TRAPPC9: variants seen among roughly 807,000 people sequenced by gnomAD.
TRAPPC9 encodes trafficking protein particle complex subunit 9.
TRAPPC9 carries 83 observed loss-of-function variants against 124.0 expected under a neutral mutation model. That is an observed-to-expected ratio of 0.67 (90% CI 0.56 to 0.80). The LOEUF is 0.80. Ranked by LOEUF, TRAPPC9 falls within the 30% of genes least tolerant of loss-of-function variation. TRAPPC9 has a pLI of 0.00. For missense variants in TRAPPC9, 1,302 were observed against 1,508.3 expected, an observed-to-expected ratio of 0.86 and a Z score of 2.27; for synonymous variants, 638 against 617.5, an observed-to-expected ratio of 1.03 and a Z score of -0.49.
At chr8:140,236,247 T>C (rs976521918) in intron 16 of TRAPPC9, among the ~76,000 whole-genome samples, 3 of 152,120 alleles carry the variant, frequency 2.0e-5, no homozygotes, top group Non-Finnish European at 4.4e-5. Flanking sequence ...CATGCCCAGC[T>C]AATTTTTATA....
At chr8:140,328,976 C>T (rs1458789013) in intron 9 of TRAPPC9, among the ~76,000 whole-genome samples, 4 of 152,058 alleles carry the variant, frequency 2.6e-5, no homozygotes, top group Admixed American at 6.6e-5. Flanking sequence ...GCAAGCTCGT[C>T]GGAAGACAGC....
At chr8:140,039,879 T>C (rs1841152420) in intron 17 of TRAPPC9, 1 of 152,228 alleles carries the variant, frequency 6.6e-6, no homozygotes, top group Non-Finnish European at 1.5e-5. Context: ...CATTGATCTC[T>C]TCACTGAACA....
Position 140,037,586 on chromosome 8 carries a change from TAC to T in TRAPPC9, c.2557-13509_2557-13508del, listed in dbSNP as rs369070239. On this transcript the variant is annotated intron_variant, in intron 17 of 22. Transcript: ENST00000438773. ...GTCAAACACATACCACACACACACA[TAC>T]ACACACACACACAAATGCCACACAC... Among the ~76,000 whole-genome samples the T allele has an allele frequency of 2.3e-4, 33 of 141,512 alleles. No homozygotes were observed. The East Asian group carries it at 3.1e-3, about 13-fold the overall frequency. 92.8% of individuals were successfully genotyped at this position (141,512 alleles called of 152,430 possible). A position where few individuals can be genotyped will look rare whatever the true frequency, so the allele number is the denominator to read the frequency against.
chr8:139,855,901 C>G (rs543426766), intron 21 of TRAPPC9, among the ~76,000 whole-genome samples: 1 of 152,238 alleles, frequency 6.6e-6, no homozygotes, highest in East Asian at 1.9e-4. Context: ...GGGTCCCCCA[C>G]AGAACTAGGG....
At chr8:139,775,533 G>A (rs1327719100) in intron 21 of TRAPPC9, among the ~76,000 whole-genome samples, 1 of 152,218 alleles carries the variant, frequency 6.6e-6, no homozygotes, top group African/African-American at 2.4e-5. Flanking sequence ...TCAAGGGGCC[G>A]AGGCCACATC....
chr8:140,115,699 G>A (rs1438288749), intron 17 of TRAPPC9, among the ~76,000 whole-genome samples: 1 of 152,194 alleles, frequency 6.6e-6, no homozygotes, highest in Non-Finnish European at 1.5e-5. Context: ...ACAGAGCAGG[G>A]GCTGGATAAT....
rs138930792 is a variant in TRAPPC9, at chr8:140,315,183, G to T, written c.1496-3809C>A. ...CGGTTTTCATTTGCATTTCCCTGAT[G>T]ATTAGTGATGTTAAGCATTTTTTCA... is the stretch of plus-strand genomic sequence containing the variant. On this transcript the variant is annotated intron_variant, in intron 9 of 22. Transcript: ENST00000438773. 4.4e-3 allele frequency among the ~76,000 whole-genome samples: 645 copies of T among 145,826 alleles called. 9 individuals are homozygous for T. Among genetic ancestry groups the T allele is most frequent in the African/African-American group, 0.016 (629 of 39,864 alleles).
In TRAPPC9 at chr8:140,083,117, T is replaced by C. The variant is rs776404428; in HGVS notation, c.2557-59038A>G. Among the ~76,000 whole-genome samples the C allele has an allele frequency of 2.0e-5, 3 of 152,044 alleles. No homozygotes were observed. In the East Asian group the frequency reaches 5.8e-4, roughly 29 times the overall value. On this transcript the variant is annotated intron_variant, in intron 17 of 22. Transcript: ENST00000438773. ...CTGAAGCAGGAGAATCGCTTGAACCTGGAAGGCGGAGGTTGCAGTGAGCTG... is the reference window on the plus strand; with the variant it reads ...CTGAAGCAGGAGAATCGCTTGAACCCGGAAGGCGGAGGTTGCAGTGAGCTG...
intron 17 of TRAPPC9, among the ~76,000 whole-genome samples, chr8:140,131,218 T>C (rs2061203118): frequency 6.6e-6 from 1 of 152,170 alleles, no homozygotes; most frequent in Admixed American, 6.5e-5. Context: ...GTTTTGTTCT[T>C]TAGGGTATAT....
At chr8:139,895,463 A>G (rs1482339722) in intron 20 of TRAPPC9, among the ~76,000 whole-genome samples, 1 of 152,228 alleles carries the variant, frequency 6.6e-6, no homozygotes, top group Non-Finnish European at 1.5e-5. Context: ...TAAGAAACAA[A>G]TAAAAGTGGG....
chr8:139,937,464 C>T (rs1486871966), intron 19 of TRAPPC9, among the ~76,000 whole-genome samples: 5 of 152,132 alleles, frequency 3.3e-5, no homozygotes, highest in Admixed American at 2.6e-4. Flanking sequence ...AAATCCCCTT[C>T]CTAGGAGCCC....
intron 17 of TRAPPC9, chr8:140,099,674 T>G (rs995787829): frequency 2.0e-5 from 3 of 150,184 alleles, no homozygotes; most frequent in Non-Finnish European, 1.5e-5. Flanking sequence ...CCCAGCTAGG[T>G]CTCTGCACAG....
rs555511919 is a variant in TRAPPC9, at chr8:140,181,591, G to A, written c.2556+39868C>T. Among the ~76,000 whole-genome samples, 16 of 152,114 alleles carry A rather than the reference G, an allele frequency of 1.1e-4. 1 individual carries two copies. The South Asian group carries it at 1.9e-3, about 18-fold the overall frequency. ...CAGGTGTGAGCCACTGCACCCAGCC[G>A]TCACTATATATTTTTTATTTTAGAA... On this transcript the variant is annotated intron_variant, in intron 17 of 22. Coordinates refer to ENST00000438773, the MANE Select transcript of TRAPPC9 (RefSeq NM_001160372.4).
At chr8:140,287,838 G>T in intron 12 of TRAPPC9, 104 bp from the exon 13 acceptor site, 1 of 1,503,806 alleles carries the variant, frequency 6.6e-7, no homozygotes, top group Middle Eastern at 1.8e-4. Context: ...GGAACTGCTG[G>T]AATAAAATCA....
intron 21 of TRAPPC9, among the ~76,000 whole-genome samples, chr8:139,807,287 G>C (rs1824133930): frequency 6.6e-6 from 1 of 152,154 alleles, no homozygotes; most frequent in African/African-American, 2.4e-5. Context: ...CCAGTTACAG[G>C]GATCAGAGAC....
chr8:140,217,743 C>T (rs899439005), intron 17 of TRAPPC9, among the ~76,000 whole-genome samples: 5 of 152,244 alleles, frequency 3.3e-5, no homozygotes, highest in Middle Eastern at 3.4e-3. Flanking sequence ...GAGCCAGGCA[C>T]GGTGGCTCAT....
intron 19 of TRAPPC9, among the ~76,000 whole-genome samples, chr8:139,958,846 G>A (rs1429700104): frequency 2.0e-5 from 3 of 152,186 alleles, no homozygotes; most frequent in Admixed American, 6.5e-5. Flanking sequence ...CACTGCCCTC[G>A]GGAACACATG....
At chr8:140,405,022 G>A (rs1409830637) in intron 6 of TRAPPC9, among the ~76,000 whole-genome samples, 1 of 152,022 alleles carries the variant, frequency 6.6e-6, no homozygotes, top group Non-Finnish European at 1.5e-5. Flanking sequence ...AAGAGTAGAG[G>A]AGGTAGAGGA....
In TRAPPC9 at chr8:140,087,735, C is replaced by T. The variant is rs1481281903; in HGVS notation, c.2557-63656G>A. On this transcript the variant is annotated intron_variant, in intron 17 of 22. Transcript: ENST00000438773. The surrounding 1 kb of genome is among the most constrained non-coding windows in gnomAD (Gnocchi z 4.6). ...CCACCTCGTCTCCCCTGCCTCTACT[C>T]GTCCACGTTTCCCTCTCCACCCTGC... is the stretch of plus-strand genomic sequence containing the variant. 1.3e-5 allele frequency among the ~76,000 whole-genome samples: 2 copies of T among 152,174 alleles called. No individual in the cohort carries two copies. Among genetic ancestry groups the T allele is most frequent in the Admixed American group, 6.5e-5 (1 of 15,282 alleles).
Sources: gnomAD v4.1 joint callset for allele counts (sites outside exome capture counted in the v4.1 genomes callset) on GRCh38, gnomAD v4.1.1 for gene constraint, Gnocchi (gnomAD v3.1) non-coding constraint, MANE v1.5 for transcripts, NCBI Gene and HGNC (gene_info 2026-07-23, HGNC 2026-07-21) for gene names.